The following ATF7IP variants were observed in gnomAD, a reference collection of about 807,000 sequenced individuals.
ATF7IP encodes activating transcription factor 7 interacting protein, also known as activating transcription factor 7-interacting protein 1.
A neutral mutation model predicts 106.4 loss-of-function variants in ATF7IP; 23 were observed. The ratio of observed to expected loss-of-function variants is 0.22; its 90% CI spans 0.16 to 0.31. ATF7IP has a LOEUF of 0.31. Ranked by LOEUF, ATF7IP falls within the 10% of genes least tolerant of loss-of-function variation. ATF7IP has a pLI of 1.00. For synonymous variants in ATF7IP, 542 were observed against 539.0 expected, an observed-to-expected ratio of 1.01 and a Z score of -0.08; for missense variants, 1,334 against 1,524.3, an observed-to-expected ratio of 0.88 and a Z score of 2.08.
At chr12:14,416,875 G>A in intron 1 of ATF7IP, 1 of 979,068 alleles carries the variant, frequency 1.0e-6, no homozygotes, top group Non-Finnish European at 1.2e-6. Context: ...AAACATTGAA[G>A]CAGCTGTTGA....
intron 6 of ATF7IP, among the ~76,000 whole-genome samples, chr12:14,456,070 G>A (rs1034025546): frequency 1.3e-5 from 2 of 152,084 alleles, no homozygotes; most frequent in Non-Finnish European, 2.9e-5. Context: ...TCACATAGTG[G>A]TAGGTAGTAT....
intron 9 of ATF7IP, among the ~76,000 whole-genome samples, chr12:14,465,820 G>A (rs1565536542): frequency 2.6e-5 from 4 of 151,992 alleles, no homozygotes; most frequent in Non-Finnish European, 4.4e-5. Context: ...TTGACCAAGA[G>A]GGTTTTATCT....
At chr12:14,494,327 A>ATGTGTGTGTG (rs1288418837) in intron 13 of ATF7IP, among the ~76,000 whole-genome samples, 3 of 86,850 alleles carry the variant, frequency 3.5e-5, no homozygotes, top group African/African-American at 1.6e-4. Context: ...ATATATATAT[A>ATGTGTGTGTG]TATATATGTG....
chr12:14,438,349 C>A, intron 5 of ATF7IP, 82 bp downstream of exon 5: 1 of 1,197,864 alleles, frequency 8.3e-7, no homozygotes, highest in Non-Finnish European at 1.1e-6. Flanking sequence ...TTGAGATTAA[C>A]TATAAAATAC....
At chr12:14,399,525 G>C (rs143596769) in intron 1 of ATF7IP, among the ~76,000 whole-genome samples, 26 of 151,618 alleles carry the variant, frequency 1.7e-4, no homozygotes, top group Middle Eastern at 3.4e-3. Flanking sequence ...TTTGTTTTGG[G>C]ATTCAATAGA....
intron 10 of ATF7IP, among the ~76,000 whole-genome samples, chr12:14,467,143 G>A (rs1257416735): frequency 1.3e-5 from 2 of 152,068 alleles, no homozygotes; most frequent in African/African-American, 4.8e-5. Context: ...TGTATTAACA[G>A]TGTTCTTCCT....
At chr12:14,378,839 A>G (rs1365990915) in intron 1 of ATF7IP, among the ~76,000 whole-genome samples, 4 of 152,204 alleles carry the variant, frequency 2.6e-5, no homozygotes, top group Non-Finnish European at 5.9e-5. Flanking sequence ...AGTTAAGACG[A>G]TTTGGTACAG....
chr12:14,414,903 TAC>T (rs1330129989), intron 1 of ATF7IP, among the ~76,000 whole-genome samples: 2 of 152,146 alleles, frequency 1.3e-5, no homozygotes, highest in Non-Finnish European at 2.9e-5. Flanking sequence ...ATGTGAAAAG[TAC>T]GTTTGGACAA....
chr12:14,488,954 C>T (rs980720517), intron 13 of ATF7IP, among the ~76,000 whole-genome samples: 3 of 152,198 alleles, frequency 2.0e-5, no homozygotes, highest in African/African-American at 7.2e-5. Context: ...ATACTCATGA[C>T]AATTACAGTC....
intron 1 of ATF7IP, among the ~76,000 whole-genome samples, chr12:14,376,629 A>G (rs1938747369): frequency 6.6e-6 from 1 of 152,254 alleles, no homozygotes; most frequent in African/African-American, 2.4e-5. Flanking sequence ...TTTCATCTGC[A>G]GTACCTATAA....
chr12:14,458,455 G>T (rs1457252552), intron 8 of ATF7IP, among the ~76,000 whole-genome samples: 1 of 152,202 alleles, frequency 6.6e-6, no homozygotes, highest in Non-Finnish European at 1.5e-5. Flanking sequence ...CTATCCAGTA[G>T]TAGTTTCTTT....
chr12:14,414,629 C>G (rs1941107622), intron 1 of ATF7IP, among the ~76,000 whole-genome samples: 1 of 152,106 alleles, frequency 6.6e-6, no homozygotes, highest in African/African-American at 2.4e-5. Flanking sequence ...TGCCACAAGG[C>G]CTAGATGGGG....
rs1428954721 is a variant in ATF7IP at position 14,460,610 on chromosome 12, A to G, written c.2274A>G (p.Thr758=). ...CGTCAGTTCTTCCTGCACCCAATAC[A>G]GCTACTGTAGTTGCTACTACTCAGG... ...TATSVLPAPN[T]ATVVATTQVP... The change falls in exon 9 of 15, where the codon ACA becomes ACG. Residue 758 remains threonine (T), a synonymous_variant. Coordinates refer to ENST00000261168, the MANE Select transcript of ATF7IP (RefSeq NM_018179.5). The G allele has an allele frequency of 6.2e-7, 1 of 1,614,146 alleles. No homozygotes were observed. Among genetic ancestry groups the G allele is most frequent in the East Asian group, 2.2e-5 (1 of 44,882 alleles).
intron 1 of ATF7IP, chr12:14,419,850 G>T (rs1437081114): frequency 2.0e-5 from 3 of 151,908 alleles, no homozygotes; most frequent in Non-Finnish European, 2.9e-5. Flanking sequence ...CTAAATAGTT[G>T]ATTTAGTTAT....
intron 1 of ATF7IP, among the ~76,000 whole-genome samples, chr12:14,411,168 T>C (rs1244093290): frequency 6.6e-6 from 1 of 152,234 alleles, no homozygotes; most frequent in African/African-American, 2.4e-5. Flanking sequence ...CTGGATCATA[T>C]GGCAACTCTG....
At chr12:14,366,693 A>G (rs770350470) in intron 1 of ATF7IP, among the ~76,000 whole-genome samples, 1 of 152,166 alleles carries the variant, frequency 6.6e-6, no homozygotes, top group Non-Finnish European at 1.5e-5. Context: ...TACTTTTGAA[A>G]TTAATCAACT....
At chr12:14,493,253 A>G (rs1944890215) in intron 13 of ATF7IP, among the ~76,000 whole-genome samples, 1 of 152,140 alleles carries the variant, frequency 6.6e-6, no homozygotes. Context: ...ATCCATCCCC[A>G]TGCCTGTTCT....
At chr12:14,486,190 A>G (rs1944605829) in intron 13 of ATF7IP, among the ~76,000 whole-genome samples, 1 of 152,202 alleles carries the variant, frequency 6.6e-6, no homozygotes, top group Admixed American at 6.5e-5. Context: ...ACTGTAAGTC[A>G]GACCTGAGAT....
chr12:14,433,968 A>C (rs921365985), intron 2 of ATF7IP, among the ~76,000 whole-genome samples: 2 of 152,212 alleles, frequency 1.3e-5, no homozygotes, highest in Non-Finnish European at 2.9e-5. Flanking sequence ...GATAATTGTC[A>C]CAGGCACTAT....
Sources: gnomAD v4.1 joint callset for allele counts (sites outside exome capture counted in the v4.1 genomes callset) on GRCh38, gnomAD v4.1.1 for gene constraint, MANE v1.5 for transcripts, NCBI Gene and HGNC (gene_info 2026-07-23, HGNC 2026-07-21) for gene names.